Variants in TDRD9 observed in about 807,000 individuals in gnomAD.
TDRD9 encodes the protein ATP-dependent RNA helicase TDRD9.
A neutral mutation model predicts 172.6 loss-of-function variants in TDRD9; 124 were observed. The ratio of observed to expected loss-of-function variants is 0.72; its 90% confidence interval spans 0.62 to 0.83. The LOEUF (loss-of-function observed/expected upper bound fraction) is 0.83, where lower values mean the gene tolerates loss of function less well. Among genes scored for constraint, TDRD9 ranks in the 40% least tolerant of loss-of-function variants. The pLI is 0.00. For missense variants in TDRD9, 1,479 were observed against 1,714.1 expected, an observed-to-expected ratio of 0.86 and a Z score of 2.42; for synonymous variants, 619 against 617.1, an observed-to-expected ratio of 1.00 and a Z score of -0.05.
At chr14:103,988,302 T>C (rs1363779226) in intron 8 of TDRD9, among the ~76,000 whole-genome samples, 1 of 152,136 alleles carries the variant, frequency 6.6e-6, no homozygotes, top group Non-Finnish European at 1.5e-5. Flanking sequence ...GCCTCCCGAA[T>C]AGCTGGGACT....
intron 1 of TDRD9, among the ~76,000 whole-genome samples, chr14:103,955,026 A>C (rs1261526189): frequency 6.6e-6 from 1 of 152,044 alleles, no homozygotes. Flanking sequence ...TCCTGACTCA[A>C]GGGATCCTCC....
At chr14:103,970,846 C>T (rs1460466349) in intron 6 of TDRD9, among the ~76,000 whole-genome samples, 1 of 152,188 alleles carries the variant, frequency 6.6e-6, no homozygotes, top group Non-Finnish European at 1.5e-5. Flanking sequence ...AGGTTATCTA[C>T]AATACTGAAT....
intron 2 of TDRD9, among the ~76,000 whole-genome samples, chr14:103,962,688 G>A (rs988935398): frequency 2.0e-5 from 3 of 151,878 alleles, no homozygotes; most frequent in East Asian, 1.9e-4. Flanking sequence ...CTTTATGTTC[G>A]TGTGTACCCA....
chr14:103,941,279 T>TAAGGCGAC, intron 1 of TDRD9: 2 of 857,344 alleles, frequency 2.3e-6, no homozygotes, highest in Non-Finnish European at 3.3e-6. Flanking sequence ...AAACAATTGC[T>TAAGGCGAC]CACCAGACAT....
At chr14:103,941,036 G>C (rs1202776293) in intron 1 of TDRD9, 2 of 1,535,324 alleles carry the variant, frequency 1.3e-6, no homozygotes, top group Admixed American at 3.9e-5. Context: ...AAGTCTTTCA[G>C]AACTTGCTTG....
chr14:104,034,480 G>A (rs1282583064), intron 31 of TDRD9, among the ~76,000 whole-genome samples: 3 of 152,190 alleles, frequency 2.0e-5, no homozygotes, highest in African/African-American at 7.2e-5. Context: ...GTGAGCCACC[G>A]CGCCCAGCTT....
At chr14:103,998,883 C>T (rs1028519436) in intron 13 of TDRD9, among the ~76,000 whole-genome samples, 155 bp downstream of exon 13, 3 of 151,940 alleles carry the variant, frequency 2.0e-5, no homozygotes, top group African/African-American at 7.3e-5. Flanking sequence ...AGCTCCGCTT[C>T]CCGGGTTCTT....
intron 15 of TDRD9, 134 bp from the exon 16 acceptor site, chr14:104,006,255 A>G: frequency 1.4e-6 from 1 of 693,666 alleles, no homozygotes; most frequent in Non-Finnish European, 2.4e-6. Flanking sequence ...TAACATATCA[A>G]CCTTTCATAA....
rs57817688 is a variant in TDRD9, at chr14:103,948,888, CA to C, written c.216-6757del. 4.9e-3 allele frequency among the ~76,000 whole-genome samples: 563 copies of C among 114,592 alleles called. 3 individuals carry two copies. Among genetic ancestry groups the C allele is most frequent in the East Asian group, 0.025 (102 of 4,076 alleles). The allele number at this position is 114,592 out of a possible 152,430, so 75.2% of individuals were successfully genotyped here. On this transcript the variant is annotated intron_variant, in intron 1 of 35. Transcript: ENST00000409874. ...CCTGTGACAGAGTGAGACTCCATCT[CA>C]AAAAAAAAAAAAAAAAAATCCTTGA...
chr14:104,036,189 T>C (rs970818136), intron 32 of TDRD9, among the ~76,000 whole-genome samples: 2 of 152,250 alleles, frequency 1.3e-5, no homozygotes, highest in Non-Finnish European at 2.9e-5. Context: ...TTTCATATTA[T>C]GATATCTTTG....
At chr14:103,987,134 A>G (rs112031898) in intron 8 of TDRD9, among the ~76,000 whole-genome samples, 2,700 of 91,140 alleles carry the variant, frequency 0.03, 76 homozygotes, top group African/African-American at 0.094. Context: ...ACACACACAC[A>G]CACACACACA....
At chr14:103,934,704 C>G (rs905464964) in intron 1 of TDRD9, among the ~76,000 whole-genome samples, 2 of 152,216 alleles carry the variant, frequency 1.3e-5, no homozygotes, top group African/African-American at 4.8e-5. Flanking sequence ...ATGGTGTGAA[C>G]CCGGCAGGCG....
At chr14:103,985,943 A>G (rs926808434) in intron 7 of TDRD9, among the ~76,000 whole-genome samples, 12 of 152,214 alleles carry the variant, frequency 7.9e-5, no homozygotes, top group African/African-American at 2.9e-4. Context: ...CCTGCCAAAC[A>G]CACTGCCTGT....
intron 7 of TDRD9, among the ~76,000 whole-genome samples, chr14:103,983,304 C>G (rs2033551072): frequency 6.6e-6 from 1 of 151,946 alleles, no homozygotes; most frequent in Non-Finnish European, 1.5e-5. Context: ...CTCAAATGAT[C>G]CACCCGGCTC....
intron 18 of TDRD9, 22 bp downstream of exon 18, chr14:104,006,867 C>T (rs994051456): frequency 1.9e-6 from 3 of 1,595,876 alleles, no homozygotes; most frequent in Admixed American, 1.7e-5. Context: ...GTTGTGTAAA[C>T]CATGAAAGCA....
intron 1 of TDRD9, chr14:103,942,000 T>C: frequency 6.7e-6 from 2 of 298,448 alleles, no homozygotes; most frequent in Non-Finnish European, 1.2e-5. Context: ...CTGTGAAAAG[T>C]TCTTAAGAGA....
chr14:103,936,206 C>T (rs1198844139), intron 1 of TDRD9, among the ~76,000 whole-genome samples: 3 of 152,182 alleles, frequency 2.0e-5, no homozygotes, highest in African/African-American at 7.2e-5. Context: ...CCTCCCAACT[C>T]AGTCTCCTGA....
At chr14:103,973,880 T>G (rs1229492845) in intron 6 of TDRD9, among the ~76,000 whole-genome samples, 1 of 152,206 alleles carries the variant, frequency 6.6e-6, no homozygotes, top group Non-Finnish European at 1.5e-5. Flanking sequence ...ACTCAATAAC[T>G]GCAACAACAA....
At position 104,022,459 on chromosome 14, in the gene TDRD9, G is replaced by T. The variant is rs1364214560; in HGVS notation, c.2606+129G>T. The T allele has an allele frequency of 4.1e-6, 4 of 965,144 alleles. No individual in the cohort carries two copies. The East Asian group carries it at 7.9e-5, about 19-fold the overall frequency. The allele number at this position is 965,144 out of a possible 1,614,324, so 59.8% of individuals were successfully genotyped here. ...AAGCACTGGCTTGGCTGGGTGTGGGGGCTCACGCCACTCATCCAGCACTTT... is the reference window on the plus strand; with the variant it reads ...AAGCACTGGCTTGGCTGGGTGTGGGTGCTCACGCCACTCATCCAGCACTTT... On this transcript the variant is annotated intron_variant, in intron 24 of 35. Coordinates refer to ENST00000409874, the MANE Select transcript of TDRD9 (RefSeq NM_153046.3).
Sources: gnomAD v4.1 joint callset for allele counts (sites outside exome capture counted in the v4.1 genomes callset) on GRCh38, gnomAD v4.1.1 for gene constraint, MANE v1.5 for transcripts, NCBI Gene and HGNC (gene_info 2026-07-23, HGNC 2026-07-21) for gene names.